ECD: variants seen among roughly 807,000 people sequenced by gnomAD.
ECD encodes the protein protein ecdysoneless homolog.
In ECD, 59 loss-of-function variants were observed where a neutral mutation model predicts 77.2. That is an observed-to-expected ratio of 0.76 (90% CI 0.62 to 0.95). The LOEUF is 0.95. Ranked by LOEUF, ECD falls within the 40% of genes least tolerant of loss-of-function variation. The probability of loss-of-function intolerance (pLI) is 0.00; values close to 1 mark genes in which losing one functional copy is unlikely to be tolerated. For synonymous variants in ECD, 233 were observed against 267.4 expected (o/e 0.87, Z 1.26); for missense variants, 704 against 763.4 (o/e 0.92, Z 0.92).
At chr10:73,142,632 CAAAAAAAAAA>C (rs35853120) in intron 9 of ECD, among the ~76,000 whole-genome samples, 3 of 74,022 alleles carry the variant, frequency 4.1e-5, no homozygotes, top group African/African-American at 1.1e-4. Context: ...GACTCCATCT[CAAAAAAAAAA>C]AAAAAAAAAA....
intron 1 of ECD, among the ~76,000 whole-genome samples, chr10:73,167,169 A>T (rs1843488158): frequency 6.6e-6 from 1 of 152,058 alleles, no homozygotes; most frequent in African/African-American, 2.4e-5. Flanking sequence ...TCCTGTTTTT[A>T]TGCCAGTGCC....
intron 5 of ECD, 115 bp from the exon 6 acceptor site, chr10:73,154,563 T>C (rs1843271603): frequency 6.1e-6 from 6 of 980,090 alleles, no homozygotes; most frequent in Non-Finnish European, 8.5e-6. Context: ...ACGTAGAGAG[T>C]GACAAGAGAG....
Position 73,134,244 on chromosome 10 carries a change from C to G in ECD, c.*339G>C, listed in dbSNP as rs1227170457. The stretch of plus-strand genomic sequence containing the variant: ...AAATTTGTCAACTTGAAATTTTGAT[C>G]TGAGGATGAATAGCAGTAAGGGAGA... On this transcript the variant is annotated 3_prime_UTR_variant, in exon 14 of 14. Transcript: ENST00000372979. 1 of 181,572 alleles carries G rather than the reference C, an allele frequency of 5.5e-6. No homozygotes were observed. The highest frequency in any genetic ancestry group is 1.2e-5 in the Non-Finnish European group (1 of 86,660). 11.2% of individuals were successfully genotyped at this position (181,572 alleles called of 1,614,324 possible). A position where few individuals can be genotyped will look rare whatever the true frequency, so the allele number is the denominator to read the frequency against.
chr10:73,139,140 G>A, intron 11 of ECD, among the ~76,000 whole-genome samples, 169 bp downstream of exon 11: 1 of 147,324 alleles, frequency 6.8e-6, no homozygotes, highest in African/African-American at 2.5e-5. Context: ...GAGGCTTCTA[G>A]AAATCTGACT....
chr10:73,135,901 C>G (rs980982077), intron 13 of ECD, among the ~76,000 whole-genome samples: 1 of 152,040 alleles, frequency 6.6e-6, no homozygotes, highest in Admixed American at 6.6e-5. Context: ...ATGGTTTCTA[C>G]TAGATTTTGA....
Position 73,134,618 on chromosome 10 carries a change from C to T in ECD, c.1900G>A (p.Asp634Asn), listed in dbSNP as rs754498552. ...GTTGGCTTACTTGTTGGTCTGTGAT[C>T]GGTGTTGTCAGGCAGCTGCACTCCC... ...SMGVQLPDNT[D>N]HRPTSKPTKN Residue 634 changes from aspartate (D) to asparagine (N), a missense_variant, in exon 14 of 14, where the codon GAT (aspartate) becomes AAT (asparagine). Asp to Asn is a conservative substitution (Grantham distance 23, BLOSUM62 1). Transcript: ENST00000372979. 4.3e-5 allele frequency: 69 copies of T among 1,614,122 alleles called. 1 individual carries two copies. The highest frequency in any genetic ancestry group is 3.5e-4 in the South Asian group (32 of 91,072).
chr10:73,165,225 T>C (rs1251407162), intron 1 of ECD, among the ~76,000 whole-genome samples: 2 of 152,246 alleles, frequency 1.3e-5, no homozygotes, highest in South Asian at 2.1e-4. Context: ...GAACATTGTA[T>C]GGCGTAGAGG....
intron 3 of ECD, among the ~76,000 whole-genome samples, chr10:73,159,662 T>TTTTTTTTTTA (rs1843348831): frequency 2.9e-5 from 4 of 138,780 alleles, no homozygotes; most frequent in African/African-American, 1.2e-4. Flanking sequence ...TTTTTTTTTT[T>TTTTTTTTTTA]GAGACAGTTT....
At chr10:73,159,706 C>T (rs1431604159) in intron 3 of ECD, among the ~76,000 whole-genome samples, 4 of 142,010 alleles carry the variant, frequency 2.8e-5, no homozygotes, top group East Asian at 4.4e-4. Flanking sequence ...TGCAATGGCG[C>T]GATCTCGGCT....
intron 13 of ECD, among the ~76,000 whole-genome samples, chr10:73,135,339 T>A (rs927937900): frequency 1.3e-5 from 2 of 152,172 alleles, no homozygotes; most frequent in African/African-American, 2.4e-5. Flanking sequence ...TTTGAAAGAT[T>A]ACAGCTCGAT....
chr10:73,143,537 A>T (rs1300941689), intron 9 of ECD, among the ~76,000 whole-genome samples: 1 of 151,558 alleles, frequency 6.6e-6, no homozygotes, highest in African/African-American at 2.4e-5. Flanking sequence ...ATTCTTTTTC[A>T]TTTTCATTTT....
At chr10:73,143,402 G>A (rs1589682394) in intron 9 of ECD, among the ~76,000 whole-genome samples, 1 of 152,120 alleles carries the variant, frequency 6.6e-6, no homozygotes, top group African/African-American at 2.4e-5. Flanking sequence ...TCCTGACCTC[G>A]TGATCCACCC....
In ECD at chr10:73,133,985, C is replaced by G. The variant is rs1842949865; in HGVS notation, c.*598G>C. ...GAATTAGATGGTAGGGATGGTTGCACAATTTTGTAAATATACTAAAAACCA... is the reference window on the plus strand; with the variant it reads ...GAATTAGATGGTAGGGATGGTTGCAGAATTTTGTAAATATACTAAAAACCA... On this transcript the variant is annotated 3_prime_UTR_variant, in exon 14 of 14. Coordinates refer to ENST00000372979, the MANE Select transcript of ECD (RefSeq NM_007265.3). 1.3e-5 allele frequency: 2 copies of G among 152,056 alleles called. No individual in the cohort carries two copies. Among genetic ancestry groups the G allele is most frequent in the African/African-American group, 4.8e-5 (2 of 41,324 alleles). 9.4% of individuals were successfully genotyped at this position (152,056 alleles called of 1,614,324 possible). A position where few individuals can be genotyped will look rare whatever the true frequency, so the allele number is the denominator to read the frequency against.
Position 73,137,994 on chromosome 10 carries a change from A to C in ECD, c.1489+9T>G, listed in dbSNP as rs531831634. The C allele has an allele frequency of 6.3e-7, 1 of 1,582,412 alleles. No individual in the cohort carries two copies. Among genetic ancestry groups the C allele is most frequent in the African/African-American group, 1.4e-5 (1 of 72,596 alleles). On this transcript the variant is annotated intron_variant, in intron 12 of 13. Transcript: ENST00000372979. Reference sequence around the variant, plus strand: ...TCAAAATGAAAGTCAACATCACACCACTACTTACCTAAAATCTTATCAAAA... The same window carrying C: ...TCAAAATGAAAGTCAACATCACACCCCTACTTACCTAAAATCTTATCAAAA...
chr10:73,152,398 A>T lies in ECD; in HGVS notation c.807T>A (p.Tyr269Ter). Residue 269 changes from tyrosine (Y) to a stop codon, truncating the protein, a stop_gained, in exon 7 of 14, where the codon TAT becomes TAA. Transcript: ENST00000372979. LOFTEE classifies it high-confidence loss of function. ...MTSVTFTKCL[Y>*]AQLVQQRFVP... ...CAAACCTTTGTTGCACCAATTGTGC[A>T]TATAGACATTTAGTGAATGTGACCT... 1 of 1,613,696 alleles carries T rather than the reference A, an allele frequency of 6.2e-7. No individual in the cohort carries two copies. The highest frequency in any genetic ancestry group is 8.5e-7 in the Non-Finnish European group (1 of 1,179,684).
At position 73,167,881 on chromosome 10, in the gene ECD, C is replaced by T. The variant is rs901726031; in HGVS notation, c.-29G>A. The stretch of plus-strand genomic sequence containing the variant: ...TTTCTCTTACGGTTCTAGGGCCTCT[C>T]CTTCGCGTCTCTGCTGTGGCACCTT... On this transcript the variant is annotated 5_prime_UTR_variant, in exon 1 of 14. Transcript: ENST00000372979. The T allele has an allele frequency of 5.4e-6, 1 of 183,522 alleles. No individual in the cohort carries two copies. The highest frequency in any genetic ancestry group is 6.0e-5 in the Admixed American group (1 of 16,652). The allele number at this position is 183,522 out of a possible 1,614,324, so 11.4% of individuals were successfully genotyped here. A position where few individuals can be genotyped will look rare whatever the true frequency, so the allele number is the denominator to read the frequency against.
intron 6 of ECD, 75 bp from the exon 7 acceptor site, chr10:73,152,496 TA>T (rs1307349929): frequency 1.3e-6 from 2 of 1,494,308 alleles, no homozygotes; most frequent in African/African-American, 2.8e-5. Flanking sequence ...CAGTTAAATA[TA>T]ATGAGAAGTC....
At chr10:73,143,271 C>T (rs1005925521) in intron 9 of ECD, among the ~76,000 whole-genome samples, 3 of 152,182 alleles carry the variant, frequency 2.0e-5, no homozygotes, top group Non-Finnish European at 2.9e-5. Context: ...AGGGTTCATG[C>T]GATTCTCCTG....
intron 6 of ECD, among the ~76,000 whole-genome samples, 155 bp downstream of exon 6, chr10:73,154,101 G>T (rs545952170): frequency 1.3e-5 from 2 of 152,262 alleles, no homozygotes; most frequent in East Asian, 3.9e-4. Flanking sequence ...ATATTAACAT[G>T]CTATGAAGAA....
Sources: gnomAD v4.1 joint callset for allele counts (sites outside exome capture counted in the v4.1 genomes callset) on GRCh38, gnomAD v4.1.1 for gene constraint, MANE v1.5 for transcripts, NCBI Gene and HGNC (gene_info 2026-07-23, HGNC 2026-07-21) for gene names.